Variants in KMT2C observed in about 807,000 individuals in gnomAD.
KMT2C encodes lysine methyltransferase 2C.
Under a neutral mutation model 507.9 loss-of-function variants are expected in KMT2C, and 88 were observed. That is an observed-to-expected ratio of 0.17 (90% CI 0.15 to 0.21). The LOEUF (loss-of-function observed/expected upper bound fraction) is 0.21, where lower values mean the gene tolerates loss of function less well. KMT2C is among the 10% of genes least tolerant of loss of function. The pLI is 1.00. For missense variants in KMT2C, 4,954 were observed against 5,957.8 expected (o/e 0.83, Z 5.55); for synonymous variants, 2,049 against 2,080.8 (o/e 0.98, Z 0.42).
rs1441238734 is a variant in KMT2C at position 152,368,637 on chromosome 7, C to G, written c.162-9962G>C. 40 of 1,464,114 alleles carry G rather than the reference C, an allele frequency of 2.7e-5. 1 individual carries two copies. In the East Asian group the frequency reaches 8.1e-4, roughly 30 times the overall value. 90.7% of individuals were successfully genotyped at this position (1,464,114 alleles called of 1,614,324 possible). On this transcript the variant is annotated intron_variant, in intron 1 of 58. Coordinates refer to ENST00000262189, the MANE Select transcript of KMT2C (RefSeq NM_170606.3). ...ACTCTTCGAGAACCTTGGAAAAGAA[C>G]AAGAAGAAAGGGAAGATCTTTTAAA...
chr7:152,291,285 G>A (rs1325248784), intron 6 of KMT2C, among the ~76,000 whole-genome samples: 18 of 152,278 alleles, frequency 1.2e-4, no homozygotes, highest in Non-Finnish European at 1.9e-4. Flanking sequence ...AGTATATTCT[G>A]CCTCTATATC....
chr7:152,382,286 A>T (rs1351982640), intron 1 of KMT2C, among the ~76,000 whole-genome samples: 1 of 152,182 alleles, frequency 6.6e-6, no homozygotes, highest in Admixed American at 6.5e-5. Context: ...GGGAAACCAG[A>T]TCTAGCCATG....
At chr7:152,139,415 G>A (rs1247932780) in intron 56 of KMT2C, among the ~76,000 whole-genome samples, 156 bp from the exon 57 acceptor site, 1 of 152,174 alleles carries the variant, frequency 6.6e-6, no homozygotes, top group Non-Finnish European at 1.5e-5. Flanking sequence ...ACATTTACAT[G>A]GCACGAATGG....
intron 33 of KMT2C, among the ~76,000 whole-genome samples, 174 bp from the exon 34 acceptor site, chr7:152,185,805 CA>C (rs2093609940): frequency 6.6e-6 from 1 of 152,140 alleles, no homozygotes; most frequent in African/African-American, 2.4e-5. Context: ...CACTGTAGGC[CA>C]AACAAACGTT....
At chr7:152,317,897 T>C (rs2096735580) in intron 3 of KMT2C, among the ~76,000 whole-genome samples, 1 of 152,034 alleles carries the variant, frequency 6.6e-6, no homozygotes, top group Non-Finnish European at 1.5e-5. Context: ...TCCCAGCACT[T>C]TGGGAGGCCG....
intron 26 of KMT2C, among the ~76,000 whole-genome samples, chr7:152,201,480 A>G (rs1043401518): frequency 2.0e-5 from 3 of 152,118 alleles, no homozygotes; most frequent in Non-Finnish European, 2.9e-5. Flanking sequence ...AAACACCTAA[A>G]GAAAGCTTCT....
chr7:152,182,694 A>G (rs2093472675), intron 35 of KMT2C, 100 bp from the exon 36 acceptor site: 1 of 1,064,772 alleles, frequency 9.4e-7, no homozygotes, highest in African/African-American at 1.6e-5. Context: ...GTTTGATGTC[A>G]GCGCTACCAG....
intron 31 of KMT2C, among the ~76,000 whole-genome samples, chr7:152,191,220 T>C (rs1020099801): frequency 5.3e-5 from 8 of 152,210 alleles, no homozygotes; most frequent in Non-Finnish European, 8.8e-5. Flanking sequence ...TAACTGCAAC[T>C]GCCTGTAAGT....
chr7:152,384,979 C>T (rs1256376534), intron 1 of KMT2C, among the ~76,000 whole-genome samples: 1 of 152,148 alleles, frequency 6.6e-6, no homozygotes, highest in Non-Finnish European at 1.5e-5. Context: ...TAGTCACCAA[C>T]AGTTGCTAAT....
chr7:152,379,784 G>C (rs1347106666), intron 1 of KMT2C, among the ~76,000 whole-genome samples: 5 of 151,926 alleles, frequency 3.3e-5, no homozygotes, highest in Admixed American at 6.6e-5. Context: ...ATAAAAGACA[G>C]AGAGAGAGAG....
chr7:152,321,059 C>G (rs563559107), intron 3 of KMT2C, among the ~76,000 whole-genome samples: 1 of 151,888 alleles, frequency 6.6e-6, no homozygotes, highest in South Asian at 2.1e-4. Context: ...CATGGCGAAA[C>G]CCCGTCTCTA....
chr7:152,213,776 G>A (rs2360935), intron 23 of KMT2C, among the ~76,000 whole-genome samples: 2 of 150,374 alleles, frequency 1.3e-5, no homozygotes, highest in Admixed American at 6.6e-5. Flanking sequence ...ACACCGGGGT[G>A]AAAAGGTAGC....
intron 21 of KMT2C, among the ~76,000 whole-genome samples, 174 bp downstream of exon 21, chr7:152,222,399 C>A (rs1426130932): frequency 6.6e-6 from 1 of 152,112 alleles, no homozygotes; most frequent in Non-Finnish European, 1.5e-5. Context: ...TGTTTTATAA[C>A]AAGTTGTGAT....
intron 1 of KMT2C, among the ~76,000 whole-genome samples, chr7:152,385,438 C>T (rs1286912793): frequency 7.5e-6 from 1 of 133,100 alleles, no homozygotes; most frequent in Non-Finnish European, 1.5e-5. Flanking sequence ...CGGTGAAACC[C>T]CGTCTCTACT....
chr7:152,155,875 A>G, intron 46 of KMT2C, 35 bp downstream of exon 46: 1 of 1,561,614 alleles, frequency 6.4e-7, no homozygotes, highest in East Asian at 2.3e-5. Flanking sequence ...AAGAAGAAAT[A>G]ACTAAGAATT....
intron 2 of KMT2C, among the ~76,000 whole-genome samples, chr7:152,349,553 GAT>G (rs2097093189): frequency 6.6e-6 from 1 of 152,082 alleles, no homozygotes; most frequent in African/African-American, 2.4e-5. Flanking sequence ...TATCCTATAT[GAT>G]TCAAACTATT....
chr7:152,411,447 AC>A (rs11378957), intron 1 of KMT2C, among the ~76,000 whole-genome samples: 14 of 137,264 alleles, frequency 1.0e-4, no homozygotes, highest in African/African-American at 3.7e-4. Context: ...AGAATCTCTG[AC>A]CCCCCACCCC....
At chr7:152,356,385 G>A (rs2129229643) in intron 2 of KMT2C, among the ~76,000 whole-genome samples, 1 of 152,052 alleles carries the variant, frequency 6.6e-6, no homozygotes, top group Non-Finnish European at 1.5e-5. Context: ...GGCCAGCCTG[G>A]CAAACACTGG....
rs1453293217 is a variant in KMT2C at position 152,290,218 on chromosome 7, A to ATGTGTG, written c.850-16352_850-16351insCACACA. On this transcript the variant is annotated intron_variant, in intron 6 of 58. Transcript: ENST00000262189. Reference sequence around the variant, plus strand: ...AGGTAGTCTAATAAATTTTATATATATATGTGTGTGTGTGTGTGTGTGTGT... The same window carrying ATGTGTG: ...AGGTAGTCTAATAAATTTTATATATATGTGTGTATGTGTGTGTGTGTGTGTGTGTGT... 4.6e-5 allele frequency among the ~76,000 whole-genome samples: 5 copies of ATGTGTG among 108,740 alleles called. 1 individual carries two copies. Among genetic ancestry groups the ATGTGTG allele is most frequent in the African/African-American group, 2.1e-4 (5 of 23,492 alleles). 71.3% of individuals were successfully genotyped at this position (108,740 alleles called of 152,430 possible).
Sources: allele counts gnomAD v4.1 joint callset (sites outside exome capture counted in the v4.1 genomes callset), GRCh38; gene constraint gnomAD v4.1.1; transcripts MANE v1.5; gene names NCBI Gene and HGNC (gene_info 2026-07-23, HGNC 2026-07-21).